NRG1: variants seen among roughly 807,000 people sequenced by gnomAD.
NRG1 encodes the protein pro-neuregulin-1, membrane-bound isoform.
NRG1 carries 18 observed loss-of-function variants against 63.8 expected under a neutral mutation model. The ratio of observed to expected loss-of-function variants is 0.28; its 90% confidence interval spans 0.19 to 0.42. The LOEUF is 0.42. Ranked by LOEUF, NRG1 falls within the 10% of genes least tolerant of loss-of-function variation. The pLI, the probability that NRG1 is intolerant of heterozygous loss-of-function variation, is 1.00. For missense variants in NRG1, 762 were observed against 814.7 expected (o/e 0.94, Z 0.79); for synonymous variants, 302 against 301.3 (o/e 1.00, Z -0.02).
intron 1 of NRG1, among the ~76,000 whole-genome samples, chr8:32,058,294 A>G (rs1337892235): frequency 6.6e-6 from 1 of 152,088 alleles, no homozygotes; most frequent in African/African-American, 2.4e-5. Context: ...CTATTTATAA[A>G]GCCCTCTATA....
intron 1 of NRG1, among the ~76,000 whole-genome samples, chr8:31,772,964 G>A (rs1293636453): frequency 6.6e-6 from 1 of 152,262 alleles, no homozygotes; most frequent in East Asian, 1.9e-4. Context: ...TGAGTGCCTC[G>A]AAGAGAGTTT....
Position 32,124,039 on chromosome 8 carries a change from C to T in NRG1, c.38-471789C>T, listed in dbSNP as rs752181647. Among the ~76,000 whole-genome samples the T allele has an allele frequency of 2.8e-4, 43 of 151,676 alleles. 1 individual carries two copies. The highest frequency in any genetic ancestry group is 3.4e-3 in the Middle Eastern group (1 of 294). ...GAAGAGAAGTTGTATCATTTAAATT[C>T]GTTTTCTCTCTTTTCCCTTTATTTC... On this transcript the variant is annotated intron_variant, in intron 1 of 10. Transcript: ENST00000519301.
At chr8:31,858,914 C>T (rs1166780522) in intron 1 of NRG1, among the ~76,000 whole-genome samples, 1 of 152,162 alleles carries the variant, frequency 6.6e-6, no homozygotes, top group East Asian at 1.9e-4. Flanking sequence ...CCTCAAGCAT[C>T]TTGATAACTT....
chr8:32,121,327 G>T (rs1833415890), intron 1 of NRG1, among the ~76,000 whole-genome samples: 1 of 151,896 alleles, frequency 6.6e-6, no homozygotes. Flanking sequence ...AAACACTGGG[G>T]CTTAAGTGTT....
intron 1 of NRG1, among the ~76,000 whole-genome samples, chr8:31,905,185 A>G (rs1832423479): frequency 6.6e-6 from 1 of 152,092 alleles, no homozygotes; most frequent in Admixed American, 6.5e-5. Context: ...GCCTTGACTA[A>G]TATTATTGCT....
chr8:31,889,538 G>A (rs944418058), intron 1 of NRG1, among the ~76,000 whole-genome samples: 3 of 152,194 alleles, frequency 2.0e-5, no homozygotes, highest in African/African-American at 7.2e-5. Flanking sequence ...GGAGTCTTCA[G>A]GAGGGAACCC....
intron 1 of NRG1, among the ~76,000 whole-genome samples, chr8:32,246,904 G>A (rs1186687302): frequency 2.6e-5 from 4 of 151,962 alleles, no homozygotes; most frequent in African/African-American, 4.8e-5. Flanking sequence ...GTACAGTGTG[G>A]TAAGTGTAGT....
chr8:32,342,076 A>C (rs892196635), intron 1 of NRG1, among the ~76,000 whole-genome samples: 2 of 151,972 alleles, frequency 1.3e-5, no homozygotes, highest in African/African-American at 4.8e-5. Flanking sequence ...TTTATTTTTT[A>C]TGATGTCAAA....
At chr8:32,374,472 C>G (rs1385168442) in intron 1 of NRG1, among the ~76,000 whole-genome samples, 2 of 152,170 alleles carry the variant, frequency 1.3e-5, no homozygotes, top group Non-Finnish European at 2.9e-5. Flanking sequence ...TCTCTGCTGC[C>G]TATCTGTGTC....
chr8:32,437,554 C>A (rs956763343), intron 1 of NRG1, among the ~76,000 whole-genome samples: 4 of 152,148 alleles, frequency 2.6e-5, no homozygotes. Flanking sequence ...CAGAGCCAGA[C>A]CGGAAGTTTC....
chr8:32,394,445 G>A (rs1812185135), intron 1 of NRG1, among the ~76,000 whole-genome samples: 1 of 152,106 alleles, frequency 6.6e-6, no homozygotes, highest in Admixed American at 6.6e-5. Flanking sequence ...CTTGAAACAG[G>A]CACAACCAAA....
chr8:32,354,809 A>C (rs1315192112), intron 1 of NRG1, among the ~76,000 whole-genome samples: 1 of 150,988 alleles, frequency 6.6e-6, no homozygotes, highest in African/African-American at 2.4e-5. Flanking sequence ...TTAAAAAAAA[A>C]AAAAACATAT....
intron 1 of NRG1, among the ~76,000 whole-genome samples, chr8:32,157,755 GGAGA>G (rs1452355691): frequency 6.6e-6 from 1 of 150,828 alleles, no homozygotes; most frequent in African/African-American, 2.4e-5. Context: ...ACAGAGAGAG[GGAGA>G]GAGATACCAA....
At chr8:32,037,157 GT>G (rs1385930436) in intron 1 of NRG1, among the ~76,000 whole-genome samples, 3 of 152,288 alleles carry the variant, frequency 2.0e-5, no homozygotes, top group African/African-American at 7.2e-5. Flanking sequence ...CTGGCTTTCT[GT>G]TTGTTTTTCT....
At chr8:32,098,427 C>T (rs16878796) in intron 1 of NRG1, among the ~76,000 whole-genome samples, 4,988 of 152,232 alleles carry the variant, frequency 0.033, 128 homozygotes, top group South Asian at 0.075. Context: ...TCAGAAATAA[C>T]GGCTTGGTAA....
chr8:31,721,340 A>G (rs1812898217), intron 1 of NRG1, among the ~76,000 whole-genome samples: 1 of 152,164 alleles, frequency 6.6e-6, no homozygotes, highest in Admixed American at 6.5e-5. Flanking sequence ...TGACACAGTA[A>G]AGTTGTATTA....
At chr8:32,771,706 TA>T (rs36131405), downstream of NRG1, among the ~76,000 whole-genome samples, 77 of 80,240 alleles carry the variant, frequency 9.6e-4, 1 homozygote, top group East Asian at 0.011. Context: ...TCCATTTCTT[TA>T]AAAAAAAAAT....
intron 1 of NRG1, among the ~76,000 whole-genome samples, chr8:32,187,525 C>A (rs545200021): frequency 1.2e-4 from 18 of 152,292 alleles, no homozygotes; most frequent in Non-Finnish European, 2.5e-4. Context: ...GGAGTCAGGG[C>A]ATCACCCTCC....
intron 1 of NRG1, among the ~76,000 whole-genome samples, chr8:32,491,243 G>A (rs1826521681): frequency 6.6e-6 from 1 of 152,054 alleles, no homozygotes; most frequent in African/African-American, 2.4e-5. Flanking sequence ...TAGTTTCTTA[G>A]ATTAGTACTA....
Sources: gnomAD v4.1 joint callset for allele counts (sites outside exome capture counted in the v4.1 genomes callset) on GRCh38, gnomAD v4.1.1 for gene constraint, MANE v1.5 for transcripts, NCBI Gene and HGNC (gene_info 2026-07-23, HGNC 2026-07-21) for gene names.